ITFG1: variants seen among roughly 807,000 people sequenced by gnomAD.
ITFG1 encodes the protein integrin alpha FG-GAP repeat containing 1, also known as T-cell immunomodulatory protein.
Under a neutral mutation model 81.8 loss-of-function variants are expected in ITFG1, and 34 were observed. The observed-to-expected ratio is 0.42, with a 90% CI of 0.32 to 0.55. The LOEUF (loss-of-function observed/expected upper bound fraction) is 0.55. Ranked by LOEUF, ITFG1 falls within the 20% of genes least tolerant of loss-of-function variation. The pLI, the probability that ITFG1 is intolerant of heterozygous loss-of-function variation, is 0.17. For missense variants in ITFG1, 672 were observed against 755.4 expected (o/e 0.89, Z 1.29); for synonymous variants, 285 against 270.6 (o/e 1.05, Z -0.52).
At chr16:47,412,695 CAAAAA>C (rs34669796) in intron 6 of ITFG1, among the ~76,000 whole-genome samples, 2 of 106,110 alleles carry the variant, frequency 1.9e-5, no homozygotes, top group Non-Finnish European at 2.0e-5. Flanking sequence ...GACTCTGTCT[CAAAAA>C]AAAAAAAAAA....
At chr16:47,224,705 A>G (rs1190333217) in intron 13 of ITFG1, among the ~76,000 whole-genome samples, 3 of 151,686 alleles carry the variant, frequency 2.0e-5, no homozygotes, top group East Asian at 1.9e-4. Flanking sequence ...TACGTCGGGG[A>G]AAAAAAAACC....
chr16:47,279,672 A>C (rs1966432926), intron 10 of ITFG1, among the ~76,000 whole-genome samples: 1 of 152,162 alleles, frequency 6.6e-6, no homozygotes, highest in African/African-American at 2.4e-5. Context: ...TCTACAAAAA[A>C]ACTCTACTGC....
At chr16:47,426,785 T>C (rs1969026481) in intron 6 of ITFG1, among the ~76,000 whole-genome samples, 1 of 152,110 alleles carries the variant, frequency 6.6e-6, no homozygotes, top group South Asian at 2.1e-4. Flanking sequence ...ATTAAGAGGT[T>C]TAAATTATGC....
Position 47,254,299 on chromosome 16 carries a change from G to A in ITFG1, c.1330+4333C>T, listed in dbSNP as rs1177901953. On this transcript the variant is annotated intron_variant, in intron 12 of 17. Coordinates refer to ENST00000320640, the MANE Select transcript of ITFG1 (RefSeq NM_030790.5). The stretch of plus-strand genomic sequence containing the variant: ...AAATTATATGCATACATTTTCCCAC[G>A]TGGATAATTTCTAAATGATCAATAT... 3.3e-5 allele frequency among the ~76,000 whole-genome samples: 5 copies of A among 152,160 alleles called. No individual in the cohort carries two copies. The South Asian group carries it at 6.2e-4, about 19-fold the overall frequency.
chr16:47,219,507 C>T (rs1965664985), intron 13 of ITFG1, among the ~76,000 whole-genome samples: 1 of 152,094 alleles, frequency 6.6e-6, no homozygotes, highest in African/African-American at 2.4e-5. Flanking sequence ...TGGAACATTC[C>T]TCAAACCTTG....
At chr16:47,161,577 C>G in intron 16 of ITFG1, 173 bp downstream of exon 16, 1 of 432,974 alleles carries the variant, frequency 2.3e-6, no homozygotes, top group South Asian at 5.8e-5. Flanking sequence ...TGAAAAATGT[C>G]TGGGACCTTT....
At chr16:47,460,214 T>A (rs1376751144) in intron 1 of ITFG1, among the ~76,000 whole-genome samples, 1 of 152,252 alleles carries the variant, frequency 6.6e-6, no homozygotes, top group Non-Finnish European at 1.5e-5. Flanking sequence ...AGTTTGAGAC[T>A]GCTTTCCCAA....
At chr16:47,453,432 A>G (rs1267234487) in intron 3 of ITFG1, among the ~76,000 whole-genome samples, 1 of 152,230 alleles carries the variant, frequency 6.6e-6, no homozygotes, top group East Asian at 1.9e-4. Flanking sequence ...AACCAAAAAT[A>G]GCATTTTCCA....
intron 7 of ITFG1, 123 bp downstream of exon 7, chr16:47,375,753 C>T (rs1404048575): frequency 7.1e-6 from 5 of 703,822 alleles, no homozygotes; most frequent in African/African-American, 1.8e-5. Context: ...CAACCAAAGG[C>T]TCTTAAAGTT....
chr16:47,160,903 A>C (rs1485580002), intron 16 of ITFG1, among the ~76,000 whole-genome samples: 2 of 152,152 alleles, frequency 1.3e-5, no homozygotes, highest in Non-Finnish European at 2.9e-5. Context: ...AATACATTCG[A>C]TCGAGATGTT....
intron 10 of ITFG1, among the ~76,000 whole-genome samples, chr16:47,265,881 T>C (rs1382175599): frequency 6.6e-6 from 1 of 151,938 alleles, no homozygotes; most frequent in Non-Finnish European, 1.5e-5. Context: ...ATAGGTAAGA[T>C]GTAAAAGCAG....
intron 8 of ITFG1, among the ~76,000 whole-genome samples, chr16:47,335,748 A>G (rs1967696320): frequency 6.6e-6 from 1 of 152,258 alleles, no homozygotes; most frequent in African/African-American, 2.4e-5. Context: ...ACAAGAATGT[A>G]GAGAGAATAG....
intron 10 of ITFG1, among the ~76,000 whole-genome samples, chr16:47,285,593 C>T (rs1966866737): frequency 6.6e-6 from 1 of 152,122 alleles, no homozygotes; most frequent in African/African-American, 2.4e-5. Flanking sequence ...GGATCTGACA[C>T]TATCTCCAGG....
intron 8 of ITFG1, among the ~76,000 whole-genome samples, chr16:47,344,028 A>G (rs1967818482): frequency 6.6e-6 from 1 of 152,206 alleles, no homozygotes; most frequent in South Asian, 2.1e-4. Flanking sequence ...AGTCAGACAC[A>G]AAAGGGCAAA....
chr16:47,261,929 T>C (rs2151542749), intron 10 of ITFG1, among the ~76,000 whole-genome samples: 1 of 152,326 alleles, frequency 6.6e-6, no homozygotes, highest in African/African-American at 2.4e-5. Context: ...TGCCTTGGCT[T>C]CCCAAAGTGC....
chr16:47,415,582 A>G, intron 6 of ITFG1, among the ~76,000 whole-genome samples: 1 of 152,224 alleles, frequency 6.6e-6, no homozygotes, highest in Admixed American at 6.5e-5. Flanking sequence ...AGTAATAGAA[A>G]AAACAGAAAT....
At chr16:47,279,107 T>C (rs974002403) in intron 10 of ITFG1, among the ~76,000 whole-genome samples, 4 of 152,168 alleles carry the variant, frequency 2.6e-5, no homozygotes, top group African/African-American at 7.2e-5. Flanking sequence ...CTCTTTGCAA[T>C]GTCTTTTGTG....
chr16:47,335,228 G>C (rs1440119786), intron 8 of ITFG1, among the ~76,000 whole-genome samples: 1 of 151,990 alleles, frequency 6.6e-6, no homozygotes, highest in African/African-American at 2.4e-5. Context: ...GTGGTGGTGG[G>C]CACCTGTAAT....
chr16:47,225,876 C>G (rs1457598735), intron 13 of ITFG1, among the ~76,000 whole-genome samples: 1 of 151,760 alleles, frequency 6.6e-6, no homozygotes, highest in East Asian at 1.9e-4. Context: ...AAAGGTAACT[C>G]TAAGTATTCT....
Sources: gnomAD v4.1 joint callset for allele counts (sites outside exome capture counted in the v4.1 genomes callset) on GRCh38, gnomAD v4.1.1 for gene constraint, MANE v1.5 for transcripts, NCBI Gene and HGNC (gene_info 2026-07-23, HGNC 2026-07-21) for gene names.